The following USH2A variants were observed in gnomAD, a reference collection of about 807,000 sequenced individuals.
The protein encoded by USH2A is Usher syndrome 2A (autosomal recessive, mild).
In USH2A, 443 loss-of-function variants were observed where a neutral mutation model predicts 538.9. The observed-to-expected ratio is 0.82, with a 90% confidence interval of 0.76 to 0.89. The LOEUF (loss-of-function observed/expected upper bound fraction) is 0.89, where lower values mean the gene tolerates loss of function less well. USH2A is among the 40% of genes least tolerant of loss of function. USH2A has a pLI of 0.00. For missense variants in USH2A, 6,633 were observed against 6,324.8 expected (o/e 1.05, Z -1.65); for synonymous variants, 2,413 against 2,273.5 (o/e 1.06, Z -1.75).
At chr1:216,144,347 C>CT (rs948857643) in intron 21 of USH2A, among the ~76,000 whole-genome samples, 440 of 146,662 alleles carry the variant, frequency 3.0e-3, no homozygotes, top group African/African-American at 0.01. Context: ...GGGTTTTTTG[C>CT]TTTTTTTTTT....
chr1:216,145,901 T>G (rs2033690001), intron 21 of USH2A, among the ~76,000 whole-genome samples: 1 of 151,796 alleles, frequency 6.6e-6, no homozygotes, highest in Non-Finnish European at 1.5e-5. Context: ...TAATTTTCCT[T>G]TACCTACCCA....
At chr1:215,650,528 A>G in intron 65 of USH2A, 64 bp downstream of exon 65, 1 of 1,592,532 alleles carries the variant, frequency 6.3e-7, no homozygotes, top group Non-Finnish European at 8.6e-7. Flanking sequence ...ACATAAAAAC[A>G]AAGGTTTCAT....
Position 216,247,137 on chromosome 1 carries a change from C to A in USH2A, c.2257G>T (p.Gly753Cys). The stretch of plus-strand genomic sequence containing the variant: ...GGATTGCAGAATTTGTTCACTGAGC[C>A]ATGGAGGTTACACTGGCAGGGCTCA... ...GCEPCQCNLH[G>C]SVNKFCNPHS... Residue 753 changes from glycine (G) to cysteine (C), a missense_variant, in exon 13 of 72, where the codon GGC becomes TGC. Gly to Cys is a radical substitution (Grantham distance 159, BLOSUM62 -3). Transcript: ENST00000307340. 1 of 1,613,986 alleles carries A rather than the reference C, an allele frequency of 6.2e-7. No homozygotes were observed. The highest frequency in any genetic ancestry group is 8.5e-7 in the Non-Finnish European group (1 of 1,179,940).
intron 3 of USH2A, among the ~76,000 whole-genome samples, chr1:216,368,873 G>A (rs917545681): frequency 4.6e-5 from 7 of 152,244 alleles, no homozygotes; most frequent in South Asian, 2.1e-4. Context: ...TTCCCAGGAA[G>A]AGCAGTTTTA....
intron 32 of USH2A, among the ~76,000 whole-genome samples, chr1:216,011,234 T>C (rs995846335): frequency 1.7e-4 from 26 of 152,104 alleles, no homozygotes; most frequent in African/African-American, 6.3e-4. Flanking sequence ...AATCCATTAT[T>C]CTGTTCTGGA....
rs1667471210 is a variant in USH2A, at chr1:215,970,651, C to T, written c.6931G>A (p.Ala2311Thr). The T allele has an allele frequency of 6.2e-7, 1 of 1,613,628 alleles. No homozygotes were observed. The highest frequency in any genetic ancestry group is 1.1e-5 in the South Asian group (1 of 91,080). ...AGTGGGCCCAGAGCACAACCTTTGGCCGTGCATGCTTGGACTCTGAAGGAA... is the reference window on the plus strand; with the variant it reads ...AGTGGGCCCAGAGCACAACCTTTGGTCGTGCATGCTTGGACTCTGAAGGAA... ...LHSFRVQACT[A>T]KGCALGPLVE... Residue 2311 changes from alanine (A) to threonine (T), a missense_variant, in exon 36 of 72, where the codon GCC (alanine) becomes ACC (threonine). Physicochemically the swap from Ala to Thr is moderately conservative, Grantham distance 58. Coordinates refer to ENST00000307340, the MANE Select transcript of USH2A (RefSeq NM_206933.4).
At chr1:216,205,448 G>A (rs1449515581) in intron 16 of USH2A, among the ~76,000 whole-genome samples, 2 of 152,148 alleles carry the variant, frequency 1.3e-5, no homozygotes, top group African/African-American at 4.8e-5. Flanking sequence ...TTGGAATACT[G>A]AAGAGACATG....
chr1:216,373,488 T>A (rs2038755141), intron 3 of USH2A, among the ~76,000 whole-genome samples: 1 of 152,140 alleles, frequency 6.6e-6, no homozygotes. Flanking sequence ...AAAATAACTA[T>A]CTCAACGTTA....
chr1:216,048,106 T>C (rs1166108251), intron 31 of USH2A, among the ~76,000 whole-genome samples: 3 of 152,194 alleles, frequency 2.0e-5, no homozygotes, highest in Non-Finnish European at 4.4e-5. Flanking sequence ...GTGCTGCTGT[T>C]TAGCAGTTAA....
At chr1:215,689,488 T>C (rs573546793) in intron 61 of USH2A, among the ~76,000 whole-genome samples, 85 of 152,342 alleles carry the variant, frequency 5.6e-4, no homozygotes, top group African/African-American at 1.9e-3. Context: ...CCTTGTGTGA[T>C]TCTCCCTCCC....
chr1:215,825,898 T>C (rs1571723225), intron 47 of USH2A, among the ~76,000 whole-genome samples: 1 of 152,194 alleles, frequency 6.6e-6, no homozygotes, highest in African/African-American at 2.4e-5. Flanking sequence ...CCCATGTTCT[T>C]TTAATAAAAA....
intron 32 of USH2A, among the ~76,000 whole-genome samples, chr1:216,015,644 AG>A (rs1217130768): frequency 1.3e-5 from 2 of 152,220 alleles, no homozygotes; most frequent in Admixed American, 6.5e-5. Flanking sequence ...ACAGTGTAAA[AG>A]CATTCCTATT....
chr1:215,667,026 G>A (rs1657625535), intron 64 of USH2A, among the ~76,000 whole-genome samples: 1 of 152,156 alleles, frequency 6.6e-6, no homozygotes, highest in Non-Finnish European at 1.5e-5. Context: ...GGGAGTTGGA[G>A]GTTGCAGTGA....
At chr1:215,991,275 A>C (rs1253442044) in intron 35 of USH2A, among the ~76,000 whole-genome samples, 1 of 152,192 alleles carries the variant, frequency 6.6e-6, no homozygotes. Context: ...GTTGAGTCAC[A>C]AGTTGGTAGT....
chr1:216,159,316 T>C (rs1414948784), intron 21 of USH2A, among the ~76,000 whole-genome samples: 1 of 152,130 alleles, frequency 6.6e-6, no homozygotes, highest in Non-Finnish European at 1.5e-5. Flanking sequence ...TAGAGGTCTT[T>C]TACAAAAACA....
chr1:216,078,532 C>T (rs1290028744), intron 26 of USH2A, among the ~76,000 whole-genome samples, 170 bp from the exon 27 acceptor site: 2 of 152,146 alleles, frequency 1.3e-5, no homozygotes, highest in Non-Finnish European at 2.9e-5. Context: ...ATAGGAAACA[C>T]TTTTCTAGCT....
intron 60 of USH2A, among the ~76,000 whole-genome samples, chr1:215,733,876 C>T (rs1660077097): frequency 6.6e-6 from 1 of 152,206 alleles, no homozygotes. Flanking sequence ...TGGCTGCTCT[C>T]ATATATTGGA....
intron 32 of USH2A, among the ~76,000 whole-genome samples, chr1:216,019,574 G>T (rs760841515): frequency 6.6e-6 from 1 of 152,154 alleles, no homozygotes; most frequent in Non-Finnish European, 1.5e-5. Flanking sequence ...CTGTGTTTAT[G>T]TTAGATGCTT....
rs137876918 is a variant in USH2A, at chr1:215,799,052, C to T, written c.9813G>A (p.Met3271Ile). The change falls in exon 50 of 72, where the codon ATG becomes ATA. Residue 3271 changes from methionine (M) to isoleucine (I), a missense_variant. Transcript: ENST00000307340. ...TCTGGTTTCCTGAGGTGGAGTACGGCATTCTGCCACAGCAGGAATCACCAA... is the reference window on the plus strand; with the variant it reads ...TCTGGTTTCCTGAGGTGGAGTACGGTATTCTGCCACAGCAGGAATCACCAA... ...VGIGDSCCGR[M>I]PYSTSGNQIC... 77 of 1,614,066 alleles carry T rather than the reference C, an allele frequency of 4.8e-5. 1 individual carries two copies. In the East Asian group the frequency reaches 1.7e-3, roughly 35 times the overall value.
Sources: gnomAD v4.1 joint callset for allele counts (sites outside exome capture counted in the v4.1 genomes callset) on GRCh38, gnomAD v4.1.1 for gene constraint, MANE v1.5 for transcripts, NCBI Gene and HGNC (gene_info 2026-07-23, HGNC 2026-07-21) for gene names.